Variants in RELL1 observed in about 807,000 individuals in gnomAD.
RELL1 encodes the protein RELT like 1, also known as RELT-like protein 1.
RELL1 carries 10 observed loss-of-function variants against 23.0 expected under a neutral mutation model. The observed-to-expected ratio is 0.43, with a 90% CI of 0.27 to 0.74. The LOEUF is 0.74. Ranked by LOEUF, RELL1 falls within the 30% of genes least tolerant of loss-of-function variation. The pLI is 0.19. For synonymous variants in RELL1, 146 were observed against 146.8 expected (o/e 0.99, Z 0.04); for missense variants, 315 against 364.4 (o/e 0.86, Z 1.10).
At chr4:37,624,695 C>CT (rs1478619990) in intron 6 of RELL1, among the ~76,000 whole-genome samples, 2 of 152,068 alleles carry the variant, frequency 1.3e-5, no homozygotes, top group African/African-American at 4.8e-5. Context: ...TCCCACAGTG[C>CT]TGGGATTACA....
chr4:37,604,404 A>T (rs1016366956), intron 6 of RELL1, among the ~76,000 whole-genome samples: 7 of 152,092 alleles, frequency 4.6e-5, no homozygotes, highest in Non-Finnish European at 7.4e-5. Context: ...ACACATTCTG[A>T]GTTTCTGGTT....
intron 4 of RELL1, among the ~76,000 whole-genome samples, 172 bp downstream of exon 4, chr4:37,638,259 CCAGGGATGCTATCAAA>C (rs1207267141): frequency 6.6e-6 from 1 of 152,158 alleles, no homozygotes; most frequent in Non-Finnish European, 1.5e-5. Flanking sequence ...TGAGTGAAGG[CCAGGGATGCTATCAAA>C]CATCCTCAAT....
downstream of RELL1, among the ~76,000 whole-genome samples, chr4:37,610,235 A>AT (rs148317617): frequency 0.2 from 30,163 of 151,346 alleles, 4,616 homozygotes; most frequent in African/African-American, 0.41. This position sits in a 1 kb window ranked among gnomAD's most constrained non-coding sequence, Gnocchi z 4.1. Flanking sequence ...AGATTATCGT[A>AT]TTTTTTTTTA....
chr4:37,613,558 C>G (rs983655549), intron 6 of RELL1, among the ~76,000 whole-genome samples: 5 of 151,944 alleles, frequency 3.3e-5, no homozygotes, highest in Non-Finnish European at 7.4e-5. Context: ...AGAGTTCTCT[C>G]GAGATCTGGC....
At chr4:37,603,889 G>C (rs929272200) in intron 6 of RELL1, among the ~76,000 whole-genome samples, 1 of 152,160 alleles carries the variant, frequency 6.6e-6, no homozygotes, top group African/African-American at 2.4e-5. Flanking sequence ...CACAATTATG[G>C]CTCGCCAGAG....
intron 1 of RELL1, among the ~76,000 whole-genome samples, chr4:37,651,765 G>T (rs1346948846): frequency 6.6e-6 from 1 of 152,132 alleles, no homozygotes; most frequent in Non-Finnish European, 1.5e-5. Flanking sequence ...AAAGGCCCCA[G>T]ACCCAGCCAC....
chr4:37,606,031 GGAGA>G (rs796338292), downstream of RELL1, among the ~76,000 whole-genome samples: 1 of 114,706 alleles, frequency 8.7e-6, no homozygotes, highest in South Asian at 3.1e-4. The surrounding 1 kb of genome is among the most constrained non-coding windows in gnomAD (Gnocchi z 4.1). Flanking sequence ...AGAGAAGGAA[GGAGA>G]AAGAAAGAAA....
intron 6 of RELL1, among the ~76,000 whole-genome samples, chr4:37,616,822 A>G (rs959250735): frequency 6.6e-6 from 1 of 152,188 alleles, no homozygotes; most frequent in Admixed American, 6.5e-5. Context: ...ATCTTGTTCC[A>G]GGCTCTACTG....
intron 6 of RELL1, among the ~76,000 whole-genome samples, chr4:37,604,904 C>CACAG (rs1560323979): frequency 1.8e-4 from 9 of 51,098 alleles, no homozygotes; most frequent in African/African-American, 4.8e-4. Context: ...CACACAGACA[C>CACAG]ACACACACAC....
At chr4:37,601,533 C>T (rs542349588) in intron 6 of RELL1, among the ~76,000 whole-genome samples, 110 of 152,284 alleles carry the variant, frequency 7.2e-4, no homozygotes, top group African/African-American at 2.5e-3. Flanking sequence ...GTGCTCTTAT[C>T]GGGAGCTGTA....
intron 3 of RELL1, among the ~76,000 whole-genome samples, chr4:37,639,383 C>CAAAA (rs58310167): frequency 0.041 from 2,680 of 66,160 alleles, 118 homozygotes; most frequent in Non-Finnish European, 0.058. Flanking sequence ...GACTCTGTCT[C>CAAAA]AAAAAAAAAA....
At chr4:37,671,200 T>C (rs575158843) in intron 1 of RELL1, among the ~76,000 whole-genome samples, 114 of 152,314 alleles carry the variant, frequency 7.5e-4, no homozygotes, top group African/African-American at 2.7e-3. Context: ...GGACTACAAA[T>C]TGGGGGCTTT....
downstream of RELL1, chr4:37,590,511 A>C (rs773297693): frequency 6.2e-7 from 1 of 1,614,162 alleles, no homozygotes; most frequent in Admixed American, 1.7e-5. Context: ...TGCTGGCCTC[A>C]GAAGGGACCC....
intron 3 of RELL1, among the ~76,000 whole-genome samples, chr4:37,638,716 T>G (rs1188679513): frequency 1.3e-5 from 2 of 152,086 alleles, no homozygotes; most frequent in East Asian, 3.9e-4. Context: ...TTAGTAAGAA[T>G]GACAAAGAAT....
intron 3 of RELL1, among the ~76,000 whole-genome samples, chr4:37,645,726 A>G (rs771082566): frequency 2.6e-5 from 4 of 152,228 alleles, no homozygotes; most frequent in African/African-American, 4.8e-5. Flanking sequence ...AATGGGTGTA[A>G]CTGAACTAAC....
rs149779234 is a variant in RELL1, at chr4:37,631,427, C to T, written c.777G>A (p.Pro259=). 2.8e-5 allele frequency: 45 copies of T among 1,614,090 alleles called. No individual in the cohort carries two copies. In the Admixed American group the frequency reaches 4.7e-4, roughly 17 times the overall value. The part of the protein sequence containing the change: ...SGAETVNGEV[P]ATPVKRERSG... ...TGCGTTCTCTCTTCACAGGTGTTGC[C>T]GGCACCTCCCCATTGACGGTTTCAG... The change falls in exon 6 of 7, where the codon CCG becomes CCA. Residue 259 remains proline (P), a synonymous_variant. Coordinates refer to ENST00000454158, the MANE Select transcript of RELL1 (RefSeq NM_001085400.2).
downstream of RELL1, chr4:37,590,312 AG>A: frequency 6.2e-7 from 1 of 1,613,838 alleles, no homozygotes; most frequent in Non-Finnish European, 8.5e-7. Flanking sequence ...CCGCTCCCAC[AG>A]GGGGACGCTG....
chr4:37,679,115 C>A (rs967271191), intron 1 of RELL1, among the ~76,000 whole-genome samples: 7 of 152,158 alleles, frequency 4.6e-5, no homozygotes, highest in Non-Finnish European at 8.8e-5. Flanking sequence ...GATGTCCGGC[C>A]CCTCTACCCA....
downstream of RELL1, among the ~76,000 whole-genome samples, chr4:37,605,838 A>AGAAG (rs1719191581): frequency 8.3e-6 from 1 of 121,056 alleles, no homozygotes; most frequent in Admixed American, 7.8e-5. Context: ...AAAGAAAGAA[A>AGAAG]GAAAGAAGGA....
Sources: gnomAD v4.1 joint callset for allele counts (sites outside exome capture counted in the v4.1 genomes callset) on GRCh38, gnomAD v4.1.1 for gene constraint, Gnocchi (gnomAD v3.1) non-coding constraint, MANE v1.5 for transcripts, NCBI Gene and HGNC (gene_info 2026-07-23, HGNC 2026-07-21) for gene names.